The following KCNMB2 variants were observed in gnomAD, a reference collection of about 807,000 sequenced individuals.
KCNMB2 encodes potassium calcium-activated channel subfamily M regulatory beta subunit 2.
Under a neutral mutation model 24.5 loss-of-function variants are expected in KCNMB2, and 9 were observed. That is an observed-to-expected ratio of 0.37 (90% CI 0.22 to 0.64). The LOEUF (loss-of-function observed/expected upper bound fraction) is 0.64, where lower values mean the gene tolerates loss of function less well. Ranked by LOEUF, KCNMB2 falls within the 30% of genes least tolerant of loss-of-function variation. KCNMB2 has a pLI of 0.63. For missense variants in KCNMB2, 226 were observed against 284.3 expected (o/e 0.79, Z 1.47); for synonymous variants, 109 against 104.4 (o/e 1.04, Z -0.27).
intron 1 of KCNMB2, among the ~76,000 whole-genome samples, chr3:178,696,524 T>C (rs899158853): frequency 9.9e-5 from 15 of 152,226 alleles, no homozygotes; most frequent in African/African-American, 3.6e-4. Flanking sequence ...TCTGTCTATT[T>C]TATCAAATTT....
chr3:178,610,116 TG>T (rs1223720938), intron 1 of KCNMB2, among the ~76,000 whole-genome samples: 4 of 152,212 alleles, frequency 2.6e-5, no homozygotes, highest in African/African-American at 9.6e-5. Context: ...GGGTTCTCTA[TG>T]TTGTTCCATT....
intron 1 of KCNMB2, among the ~76,000 whole-genome samples, chr3:178,603,820 T>TAA (rs1229865476): frequency 6.6e-6 from 1 of 152,166 alleles, no homozygotes; most frequent in East Asian, 1.9e-4. Context: ...CATTCTGTGT[T>TAA]CAGGGACATT....
chr3:178,676,332 T>C (rs753479127), intron 1 of KCNMB2, among the ~76,000 whole-genome samples: 2 of 152,180 alleles, frequency 1.3e-5, no homozygotes, highest in Non-Finnish European at 2.9e-5. Context: ...GTCTAATCCT[T>C]GGCAGACAGA....
intron 1 of KCNMB2, among the ~76,000 whole-genome samples, chr3:178,662,429 TAAAC>T (rs1337878835): frequency 6.6e-6 from 1 of 152,172 alleles, no homozygotes; most frequent in Non-Finnish European, 1.5e-5. Context: ...AAATATGATG[TAAAC>T]AATGATACAG....
chr3:178,756,113 G>A (rs1724027230), intron 1 of KCNMB2, among the ~76,000 whole-genome samples: 1 of 152,042 alleles, frequency 6.6e-6, no homozygotes, highest in African/African-American at 2.4e-5. Flanking sequence ...ATAATGAAAT[G>A]TTAAAATAGA....
At chr3:178,616,742 T>C (rs1043937785) in intron 1 of KCNMB2, among the ~76,000 whole-genome samples, 2 of 152,186 alleles carry the variant, frequency 1.3e-5, no homozygotes, top group Admixed American at 1.3e-4. Context: ...TATCTCACCA[T>C]CTTGCCCTGC....
At chr3:178,802,501 G>A (rs1403155707) in intron 1 of KCNMB2, among the ~76,000 whole-genome samples, 1 of 152,096 alleles carries the variant, frequency 6.6e-6, no homozygotes, top group African/African-American at 2.4e-5. Flanking sequence ...ACACTGAGAA[G>A]TGGCACCCAG....
At chr3:178,695,124 A>G (rs915901643) in intron 1 of KCNMB2, among the ~76,000 whole-genome samples, 1 of 152,208 alleles carries the variant, frequency 6.6e-6, no homozygotes, top group Non-Finnish European at 1.5e-5. Flanking sequence ...CAAACACCAC[A>G]TGGAAGTTGC....
chr3:178,724,844 T>C (rs868184071), intron 1 of KCNMB2, among the ~76,000 whole-genome samples: 22 of 152,210 alleles, frequency 1.4e-4, no homozygotes, highest in South Asian at 4.1e-4. Flanking sequence ...GGGTCTGTAT[T>C]CTCTTCCATT....
At chr3:178,689,084 A>T (rs1284502941) in intron 1 of KCNMB2, among the ~76,000 whole-genome samples, 2 of 152,190 alleles carry the variant, frequency 1.3e-5, no homozygotes, top group African/African-American at 2.4e-5. Context: ...TTTTAAACAA[A>T]GTTAGCATTC....
At position 178,825,628 on chromosome 3, in the gene KCNMB2, A is replaced by G; in HGVS notation, c.97A>G (p.Lys33Glu). The change falls in exon 3 of 5, where the codon AAA (lysine) becomes GAA (glutamate). Residue 33 changes from lysine (K) to glutamate (E), a missense_variant. By Grantham distance (56) the Lys-to-Glu change is moderately conservative. Coordinates refer to ENST00000452583, the MANE Select transcript of KCNMB2 (RefSeq NM_181361.3). ...AATCAGGGACCATGACCTCCTGGAC[A>G]AAAGGAAAACAGTCACAGCACTGAA... ...QKIRDHDLLD[K>E]RKTVTALKAG... is the part of the protein sequence containing the mutation. 6.2e-7 allele frequency: 1 copy of G among 1,613,974 alleles called. No individual in the cohort carries two copies. The highest frequency in any genetic ancestry group is 8.5e-7 in the Non-Finnish European group (1 of 1,179,856).
intron 1 of KCNMB2, among the ~76,000 whole-genome samples, chr3:178,609,101 C>T (rs1415760525): frequency 6.6e-6 from 1 of 152,152 alleles, no homozygotes; most frequent in Non-Finnish European, 1.5e-5. Flanking sequence ...AATTTACATT[C>T]CCACAAACAA....
At chr3:178,750,061 A>T (rs969874354) in intron 1 of KCNMB2, among the ~76,000 whole-genome samples, 6 of 152,172 alleles carry the variant, frequency 3.9e-5, no homozygotes, top group Non-Finnish European at 8.8e-5. Flanking sequence ...AAATTTGTAG[A>T]GAAAGACACA....
At chr3:178,811,245 G>A (rs897937289) in intron 2 of KCNMB2, among the ~76,000 whole-genome samples, 2 of 151,794 alleles carry the variant, frequency 1.3e-5, no homozygotes, top group Admixed American at 6.6e-5. Flanking sequence ...AAACATCCAG[G>A]TACCCATCAT....
chr3:178,538,354 C>A (rs1715477130), intron 1 of KCNMB2, among the ~76,000 whole-genome samples: 1 of 152,170 alleles, frequency 6.6e-6, no homozygotes, highest in African/African-American at 2.4e-5. Context: ...CTTGTGAAGT[C>A]CCTTCTCCAG....
At chr3:178,625,392 C>A (rs760125232) in intron 1 of KCNMB2, among the ~76,000 whole-genome samples, 1 of 152,234 alleles carries the variant, frequency 6.6e-6, no homozygotes, top group African/African-American at 2.4e-5. Flanking sequence ...TTTCAGGGAC[C>A]TGGCTGGAGC....
intron 1 of KCNMB2, among the ~76,000 whole-genome samples, chr3:178,617,709 G>A (rs1004238877): frequency 1.3e-5 from 2 of 151,610 alleles, no homozygotes; most frequent in Non-Finnish European, 2.9e-5. Context: ...CCAACACGAT[G>A]AAACCCCGTC....
chr3:178,769,086 T>C (rs149845446), intron 1 of KCNMB2, among the ~76,000 whole-genome samples: 3 of 152,358 alleles, frequency 2.0e-5, no homozygotes, highest in Non-Finnish European at 4.4e-5. Context: ...CACCTGCCAC[T>C]TGAAGTGCAA....
intron 1 of KCNMB2, among the ~76,000 whole-genome samples, chr3:178,546,270 C>T (rs764348647): frequency 3.3e-5 from 5 of 151,986 alleles, no homozygotes; most frequent in South Asian, 2.1e-4. Flanking sequence ...CCCATTGACA[C>T]GTGGATTTAG....
Sources: gnomAD v4.1 joint callset for allele counts (sites outside exome capture counted in the v4.1 genomes callset) on GRCh38, gnomAD v4.1.1 for gene constraint, MANE v1.5 for transcripts, NCBI Gene and HGNC (gene_info 2026-07-23, HGNC 2026-07-21) for gene names.